Variants in KALRN observed in about 807,000 individuals in gnomAD.
KALRN encodes kalirin RhoGEF kinase.
KALRN carries 70 observed loss-of-function variants against 353.7 expected under a neutral mutation model. The ratio of observed to expected loss-of-function variants is 0.20; its 90% confidence interval spans 0.16 to 0.24. The LOEUF is 0.24. KALRN is among the 10% of genes least tolerant of loss of function. The pLI, the probability that KALRN is intolerant of heterozygous loss-of-function variation, is 1.00. For missense variants in KALRN, 2,791 were observed against 3,756.7 expected (o/e 0.74, Z 6.72); for synonymous variants, 1,391 against 1,434.8 (o/e 0.97, Z 0.69).
chr3:124,550,089 A>T (rs1237284270), intron 33 of KALRN, among the ~76,000 whole-genome samples: 1 of 152,206 alleles, frequency 6.6e-6, no homozygotes, highest in Non-Finnish European at 1.5e-5. Context: ...AGAAATGGAG[A>T]GGCAGGTGAT....
chr3:124,679,659 TA>T (rs1264687584), intron 51 of KALRN, 142 bp downstream of exon 51: 8 of 788,680 alleles, frequency 1.0e-5, no homozygotes, highest in Non-Finnish European at 1.6e-5. Flanking sequence ...ATCCCAGCTA[TA>T]AAAGAAACAA....
intron 51 of KALRN, among the ~76,000 whole-genome samples, chr3:124,681,170 G>A (rs2087725411): frequency 6.6e-6 from 1 of 152,100 alleles, no homozygotes; most frequent in South Asian, 2.1e-4. Flanking sequence ...GGAAGAAATG[G>A]GCACAGAGGG....
intron 1 of KALRN, among the ~76,000 whole-genome samples, chr3:124,214,468 A>T (rs1421744348): frequency 6.6e-6 from 1 of 152,184 alleles, no homozygotes; most frequent in African/African-American, 2.4e-5. Flanking sequence ...GTTCACATGC[A>T]CATTTATCCA....
chr3:124,218,741 G>T (rs185638727), intron 1 of KALRN, among the ~76,000 whole-genome samples: 1 of 152,346 alleles, frequency 6.6e-6, no homozygotes, highest in African/African-American at 2.4e-5. Flanking sequence ...GAGTAAGCCT[G>T]TGTGTATTGC....
intron 1 of KALRN, chr3:124,079,962 T>C: frequency 2.2e-6 from 1 of 464,152 alleles, no homozygotes; most frequent in South Asian, 1.6e-5. Context: ...ACAGTCATAG[T>C]TCCATATTTA....
In KALRN at chr3:124,657,527, A is replaced by G. The variant is rs372617720; in HGVS notation, c.5942A>G (p.His1981Arg). ...GACAAAATCGTGTTTGGAAATATTC[A>G]TCAGATTTATGACTGGCATAAGGAG... is the stretch of plus-strand genomic sequence containing the variant. ...GKDKIVFGNI[H>R]QIYDWHKDFF... The change falls in exon 40 of 60, where the codon CAT (histidine) becomes CGT (arginine). Residue 1981 changes from histidine (H) to arginine (R), a missense_variant. This residue lies in a region of KALRN where 1,065 missense variants were observed against 1,156.4 expected (regional missense o/e 0.92). Coordinates refer to ENST00000682506, the MANE Select transcript of KALRN (RefSeq NM_001388419.1). 1.2e-6 allele frequency: 2 copies of G among 1,613,670 alleles called. No homozygotes were observed. Among genetic ancestry groups the G allele is most frequent in the African/African-American group, 1.3e-5 (1 of 74,918 alleles).
At chr3:124,430,625 A>T in intron 15 of KALRN, 31 bp from the exon 16 acceptor site, 1 of 1,612,516 alleles carries the variant, frequency 6.2e-7, no homozygotes, top group Non-Finnish European at 8.5e-7. Context: ...GCGGAAGGCC[A>T]TTCACCTGTG....
chr3:124,496,159 G>T, intron 32 of KALRN, 152 bp from the exon 33 acceptor site: 1 of 615,536 alleles, frequency 1.6e-6, no homozygotes. Flanking sequence ...ATCACATAGG[G>T]CCACTCTCTT....
intron 10 of KALRN, among the ~76,000 whole-genome samples, chr3:124,348,728 AT>A (rs917914158): frequency 4.0e-5 from 6 of 151,546 alleles, no homozygotes; most frequent in East Asian, 1.9e-4. Context: ...ACTCAAACAG[AT>A]TTTTTTTTGA....
intron 3 of KALRN, among the ~76,000 whole-genome samples, chr3:124,253,643 A>C (rs1024330666): frequency 3.9e-5 from 6 of 152,218 alleles, no homozygotes; most frequent in Admixed American, 6.5e-5. Flanking sequence ...CTCCTCAGTG[A>C]CCAGGCTAGC....
intron 37 of KALRN, among the ~76,000 whole-genome samples, chr3:124,638,005 C>T (rs567372298): frequency 6.6e-6 from 1 of 152,282 alleles, no homozygotes; most frequent in East Asian, 1.9e-4. Context: ...AGCTGTTCCT[C>T]CACTCTCCTG....
At chr3:124,218,443 A>G (rs569647096) in intron 1 of KALRN, among the ~76,000 whole-genome samples, 1 of 152,298 alleles carries the variant, frequency 6.6e-6, no homozygotes, top group African/African-American at 2.4e-5. Flanking sequence ...TACACAGCTA[A>G]TGTTCAACAG....
At chr3:124,277,417 G>A (rs905988119) in intron 5 of KALRN, among the ~76,000 whole-genome samples, 12 of 152,000 alleles carry the variant, frequency 7.9e-5, no homozygotes, top group South Asian at 4.2e-4. Flanking sequence ...TCTGTATCCC[G>A]CCCCCTGACA....
At chr3:124,311,470 AG>A (rs2078266590) in intron 6 of KALRN, among the ~76,000 whole-genome samples, 1 of 152,022 alleles carries the variant, frequency 6.6e-6, no homozygotes, top group African/African-American at 2.4e-5. Context: ...AAAAAAAAAA[AG>A]AAAAGTAAAA....
intron 25 of KALRN, among the ~76,000 whole-genome samples, chr3:124,466,932 A>G (rs749404412): frequency 3.9e-5 from 6 of 152,292 alleles, no homozygotes; most frequent in South Asian, 2.1e-4. Flanking sequence ...TCCCAGAGCT[A>G]TGTCATTCTT....
chr3:124,348,699 A>G (rs1222896360), intron 10 of KALRN, among the ~76,000 whole-genome samples: 2 of 152,164 alleles, frequency 1.3e-5, no homozygotes, highest in Non-Finnish European at 2.9e-5. Context: ...CTGTCTCCCT[A>G]ACATAATTGA....
At chr3:124,612,055 G>A (rs533421151) in intron 34 of KALRN, among the ~76,000 whole-genome samples, 2 of 152,184 alleles carry the variant, frequency 1.3e-5, no homozygotes, top group South Asian at 2.1e-4. Flanking sequence ...ATGGAGTCTC[G>A]CTCTTGTAGC....
intron 21 of KALRN, among the ~76,000 whole-genome samples, chr3:124,454,636 G>A (rs142783886): frequency 3.0e-4 from 46 of 150,982 alleles, no homozygotes; most frequent in African/African-American, 1.0e-3. Flanking sequence ...TACAGGTGTC[G>A]CATCCGTGGA....
intron 1 of KALRN, among the ~76,000 whole-genome samples, chr3:124,064,919 C>A (rs2042237229): frequency 6.6e-6 from 1 of 152,160 alleles, no homozygotes; most frequent in Admixed American, 6.5e-5. Context: ...CCAGGATGAC[C>A]CCCCAATCCC....
Sources: allele counts gnomAD v4.1 joint callset (sites outside exome capture counted in the v4.1 genomes callset), GRCh38; gene constraint gnomAD v4.1.1; regional missense constraint gnomAD v4.1.1; transcripts MANE v1.5; gene names NCBI Gene and HGNC (gene_info 2026-07-23, HGNC 2026-07-21).